The following HDAC4 variants were observed in gnomAD, a reference collection of about 807,000 sequenced individuals.
The protein encoded by HDAC4 is histone deacetylase A.
In HDAC4, 16 loss-of-function variants were observed where a neutral mutation model predicts 135.1. That is an observed-to-expected ratio of 0.12 (90% CI 0.08 to 0.18). The LOEUF is 0.18. Ranked by LOEUF, HDAC4 falls within the 10% of genes least tolerant of loss-of-function variation. The pLI is 1.00. For synonymous variants in HDAC4, 685 were observed against 653.4 expected (o/e 1.05, Z -0.74); for missense variants, 1,143 against 1,511.8 (o/e 0.76, Z 4.05).
At chr2:239,355,632 C>T (rs567043614) in intron 1 of HDAC4, among the ~76,000 whole-genome samples, 19 of 152,320 alleles carry the variant, frequency 1.2e-4, no homozygotes, top group African/African-American at 4.6e-4. Flanking sequence ...GCATATTCTT[C>T]TGCACTTCAG....
rs2052107468 is a variant in HDAC4 at position 239,299,325 on chromosome 2, A to G, written c.22+53353T>C. ...CAATAGGTTTATTTGTTTTGTTTCAAATGCCAAGTAGAGATATTTAAGTAC... is the reference window on the plus strand; with the variant it reads ...CAATAGGTTTATTTGTTTTGTTTCAGATGCCAAGTAGAGATATTTAAGTAC... On this transcript the variant is annotated intron_variant, in intron 2 of 26. Coordinates refer to ENST00000543185, the MANE Select transcript of HDAC4 (RefSeq NM_001378414.1). The surrounding 1 kb of genome is among the most constrained non-coding windows in gnomAD (Gnocchi z 4.0). 6.6e-6 allele frequency among the ~76,000 whole-genome samples: 1 copy of G among 152,162 alleles called. No individual in the cohort carries two copies. The highest frequency in any genetic ancestry group is 6.5e-5 in the Admixed American group (1 of 15,274).
At chr2:239,120,711 T>G (rs1056544422) in intron 12 of HDAC4, among the ~76,000 whole-genome samples, 2 of 151,904 alleles carry the variant, frequency 1.3e-5, no homozygotes, top group Non-Finnish European at 2.9e-5. Flanking sequence ...CGAAGTGGTG[T>G]GCCTGCCTTT....
At chr2:239,276,747 G>T (rs572400734) in intron 2 of HDAC4, among the ~76,000 whole-genome samples, 2 of 152,218 alleles carry the variant, frequency 1.3e-5, no homozygotes, top group African/African-American at 4.8e-5. Context: ...GACAAAGGCC[G>T]GCTGCAGAGG....
At chr2:239,197,847 T>TTGTGTGTGCGTGTGTGTGTGTG (rs1553553324) in intron 3 of HDAC4, among the ~76,000 whole-genome samples, 2 of 140,126 alleles carry the variant, frequency 1.4e-5, no homozygotes, top group African/African-American at 5.4e-5. Flanking sequence ...CACTAAAAGT[T>TTGTGTGTGCGTGTGTGTGTGTG]TGTGTGTGTG....
chr2:239,225,042 T>C (rs1216434017), intron 3 of HDAC4, among the ~76,000 whole-genome samples: 1 of 152,074 alleles, frequency 6.6e-6, no homozygotes, highest in African/African-American at 2.4e-5. Context: ...ATGGAGTAAA[T>C]TAGAAATGAA....
At chr2:239,157,804 A>G (rs1340096322) in intron 6 of HDAC4, among the ~76,000 whole-genome samples, 1 of 152,210 alleles carries the variant, frequency 6.6e-6, no homozygotes, top group Non-Finnish European at 1.5e-5. Context: ...GTATATTTAA[A>G]TATTTGAGAG....
intron 11 of HDAC4, among the ~76,000 whole-genome samples, chr2:239,127,571 TGG>T (rs2040281700): frequency 1.3e-5 from 2 of 152,152 alleles, no homozygotes; most frequent in Non-Finnish European, 2.9e-5. Context: ...GTAACCTGAG[TGG>T]GGTAAACACT....
chr2:239,376,398 G>A (rs982266213), intron 1 of HDAC4, among the ~76,000 whole-genome samples: 1 of 152,176 alleles, frequency 6.6e-6, no homozygotes, highest in Non-Finnish European at 1.5e-5. Context: ...GGAAGGTGCT[G>A]TGTGCTCACA....
chr2:239,248,781 T>C (rs2048612293), intron 2 of HDAC4, among the ~76,000 whole-genome samples: 1 of 152,152 alleles, frequency 6.6e-6, no homozygotes, highest in Admixed American at 6.5e-5. Context: ...CTGATCAAGG[T>C]TGGGACCAAC....
chr2:239,179,809 G>A (rs2044024915), intron 4 of HDAC4, among the ~76,000 whole-genome samples: 1 of 152,256 alleles, frequency 6.6e-6, no homozygotes, highest in Non-Finnish European at 1.5e-5. Context: ...GAGAGCCCAC[G>A]CGGCGTGCTC....
intron 17 of HDAC4, among the ~76,000 whole-genome samples, chr2:239,092,999 A>G (rs2036663239): frequency 6.6e-6 from 1 of 152,158 alleles, no homozygotes; most frequent in Non-Finnish European, 1.5e-5. Context: ...TAAAAGGGAC[A>G]TGCCGAGGGC....
At chr2:239,140,993 C>G (rs900040828) in intron 8 of HDAC4, 1 of 397,818 alleles carries the variant, frequency 2.5e-6, no homozygotes, top group East Asian at 9.5e-5. Flanking sequence ...CCCAACCTGG[C>G]AGACCTGATT....
intron 7 of HDAC4, among the ~76,000 whole-genome samples, chr2:239,151,142 C>A (rs571652794): frequency 8.0e-4 from 122 of 152,372 alleles, no homozygotes; most frequent in African/African-American, 2.8e-3. Flanking sequence ...TTTCACAGTA[C>A]CCTGAGCCTA....
intron 1 of HDAC4, among the ~76,000 whole-genome samples, chr2:239,399,127 G>C (rs1325370623): frequency 2.0e-5 from 3 of 152,196 alleles, no homozygotes; most frequent in Admixed American, 6.5e-5. Flanking sequence ...ATCTGGGAAA[G>C]CCCGATCAGT....
At chr2:239,342,843 G>A (rs928597490) in intron 2 of HDAC4, among the ~76,000 whole-genome samples, 2 of 116,542 alleles carry the variant, frequency 1.7e-5, no homozygotes, top group Admixed American at 8.5e-5. Context: ...CGCAGGCCCA[G>A]CGTCGTCTTG....
chr2:239,391,152 G>T (rs559036519), intron 1 of HDAC4, among the ~76,000 whole-genome samples: 2 of 152,316 alleles, frequency 1.3e-5, no homozygotes, highest in East Asian at 3.9e-4. Flanking sequence ...ATCACGAGCC[G>T]GGCTCTGCAT....
At chr2:239,123,922 C>A (rs371718864) in intron 12 of HDAC4, among the ~76,000 whole-genome samples, 7 of 152,066 alleles carry the variant, frequency 4.6e-5, no homozygotes, top group African/African-American at 1.7e-4. Context: ...CAATTTTTCA[C>A]CCTCAGGAAA....
intron 11 of HDAC4, among the ~76,000 whole-genome samples, chr2:239,127,481 G>A (rs1401643181): frequency 9.2e-5 from 14 of 152,146 alleles, no homozygotes; most frequent in African/African-American, 2.9e-4. Context: ...GGTTTAGGTC[G>A]TTTAACATTT....
chr2:239,321,464 CAAAAAAAAAAA>C (rs10530231), intron 2 of HDAC4, among the ~76,000 whole-genome samples: 3 of 56,278 alleles, frequency 5.3e-5, no homozygotes, highest in African/African-American at 1.7e-4. Context: ...GACTCCGTCT[CAAAAAAAAAAA>C]AAAAAAAAAA....
Sources: gnomAD v4.1 joint callset for allele counts (sites outside exome capture counted in the v4.1 genomes callset) on GRCh38, gnomAD v4.1.1 for gene constraint, Gnocchi (gnomAD v3.1) non-coding constraint, MANE v1.5 for transcripts, NCBI Gene and HGNC (gene_info 2026-07-23, HGNC 2026-07-21) for gene names.